PSD3: variants seen among roughly 807,000 people sequenced by gnomAD.
PSD3 encodes the protein pleckstrin and Sec7 domain containing 3, also known as PH and SEC7 domain-containing protein 3.
A neutral mutation model predicts 105.5 loss-of-function variants in PSD3; 49 were observed. The observed-to-expected ratio is 0.46, with a 90% CI of 0.37 to 0.59. PSD3 has a LOEUF of 0.59. Ranked by LOEUF, PSD3 falls within the 20% of genes least tolerant of loss-of-function variation. PSD3 has a pLI of 0.00. For synonymous variants in PSD3, 557 were observed against 457.8 expected (o/e 1.22, Z -2.77); for missense variants, 1,561 against 1,263.8 (o/e 1.24, Z -3.57).
intron 9 of PSD3, among the ~76,000 whole-genome samples, chr8:18,673,442 G>A (rs147364229): frequency 0.014 from 2,198 of 152,106 alleles, 16 homozygotes; most frequent in Admixed American, 0.022. Context: ...AGTTTTCTAC[G>A]AATCTATCTC....
intron 9 of PSD3, among the ~76,000 whole-genome samples, chr8:18,743,183 G>A (rs905479282): frequency 1.3e-5 from 2 of 152,076 alleles, no homozygotes; most frequent in Non-Finnish European, 2.9e-5. Flanking sequence ...ACTGGCCAAA[G>A]GTAGAATAAC....
At chr8:19,078,890 G>C (rs56232667) in intron 1 of PSD3, among the ~76,000 whole-genome samples, 3,540 of 151,482 alleles carry the variant, frequency 0.023, 146 homozygotes, top group African/African-American at 0.079. Context: ...CTGAAGAATG[G>C]GCAAGCAGAA....
At chr8:18,669,130 T>TTAG (rs1214499850) in intron 9 of PSD3, among the ~76,000 whole-genome samples, 2 of 152,236 alleles carry the variant, frequency 1.3e-5, no homozygotes, top group Non-Finnish European at 2.9e-5. Context: ...CCTCATTGTA[T>TTAG]TAGTCTATTG....
chr8:18,812,976 G>A (rs986129991), intron 4 of PSD3, among the ~76,000 whole-genome samples: 1 of 152,134 alleles, frequency 6.6e-6, no homozygotes, highest in African/African-American at 2.4e-5. Context: ...TTGTGGTGTG[G>A]AGGGAAAACT....
intron 4 of PSD3, among the ~76,000 whole-genome samples, chr8:18,820,658 T>TA (rs1554513033): frequency 1.3e-5 from 2 of 152,234 alleles, no homozygotes; most frequent in South Asian, 2.1e-4. Context: ...TCTTTTTTTT[T>TA]AAATCTATTT....
At chr8:18,537,139 G>T (rs1411477206) in intron 15 of PSD3, among the ~76,000 whole-genome samples, 1 of 152,174 alleles carries the variant, frequency 6.6e-6, no homozygotes, top group Admixed American at 6.5e-5. Flanking sequence ...GGTTGGCCAG[G>T]ATTCAAGTGG....
At chr8:18,971,368 T>A (rs550316714) in intron 1 of PSD3, among the ~76,000 whole-genome samples, 115 of 152,136 alleles carry the variant, frequency 7.6e-4, no homozygotes, top group Non-Finnish European at 2.6e-4. Flanking sequence ...CAGTGGACAG[T>A]CCCCTCCCAT....
intron 6 of PSD3, 45 bp from the exon 7 acceptor site, chr8:18,801,427 C>T (rs747982745): frequency 1.0e-5 from 11 of 1,062,148 alleles, no homozygotes; most frequent in South Asian, 4.0e-5. Context: ...TTCGAAAATG[C>T]TATCACACTC....
At chr8:18,683,040 C>T (rs1585608183) in intron 9 of PSD3, among the ~76,000 whole-genome samples, 1 of 152,292 alleles carries the variant, frequency 6.6e-6, no homozygotes, top group East Asian at 1.9e-4. Context: ...GAGTACCCTG[C>T]TCACACAGAT....
intron 9 of PSD3, among the ~76,000 whole-genome samples, chr8:18,729,229 C>A (rs1238088905): frequency 6.6e-6 from 1 of 152,212 alleles, no homozygotes. Context: ...ACACGTCCCC[C>A]ACAATCCACA....
intron 12 of PSD3, among the ~76,000 whole-genome samples, chr8:18,590,749 A>G (rs1195662681): frequency 9.2e-5 from 14 of 152,216 alleles, no homozygotes; most frequent in African/African-American, 3.4e-4. Context: ...CTATTTAACA[A>G]AAAATACTAC....
At position 18,528,143 on chromosome 8, in the gene PSD3, T is replaced by C. The variant is rs572516284; in HGVS notation, c.*7600A>G. 6.6e-6 allele frequency: 1 copy of C among 152,346 alleles called. No individual in the cohort carries two copies. Among genetic ancestry groups the C allele is most frequent in the South Asian group, 2.1e-4 (1 of 4,822 alleles). 9.4% of individuals were successfully genotyped at this position (152,346 alleles called of 1,614,324 possible). A position where few individuals can be genotyped will look rare whatever the true frequency, so the allele number is the denominator to read the frequency against. Reference sequence around the variant, plus strand: ...AATATAAATTCTCCGCTAGTGTACATTTAGAAATGGGTTCCTAAAGCTTGA... The same window carrying C: ...AATATAAATTCTCCGCTAGTGTACACTTAGAAATGGGTTCCTAAAGCTTGA... On this transcript the variant is annotated 3_prime_UTR_variant, in exon 16 of 16. Transcript: ENST00000327040.
chr8:18,752,482 TTATA>T (rs1411188789), intron 9 of PSD3, among the ~76,000 whole-genome samples: 3 of 38,628 alleles, frequency 7.8e-5, no homozygotes, highest in Non-Finnish European at 1.6e-4. Context: ...ATATATATTA[TTATA>T]TATATAATAT....
chr8:18,631,439 G>A (rs1221758227), intron 11 of PSD3, among the ~76,000 whole-genome samples: 1 of 151,792 alleles, frequency 6.6e-6, no homozygotes, highest in Non-Finnish European at 1.5e-5. Context: ...AATCCTCTTT[G>A]GTGTCAAAAT....
At chr8:18,565,393 A>G (rs1801674231) in intron 14 of PSD3, among the ~76,000 whole-genome samples, 1 of 152,188 alleles carries the variant, frequency 6.6e-6, no homozygotes, top group South Asian at 2.1e-4. Flanking sequence ...CAGCACTGTC[A>G]TGAAAAACAA....
At chr8:18,604,615 C>G (rs1276554423) in intron 11 of PSD3, among the ~76,000 whole-genome samples, 1 of 152,094 alleles carries the variant, frequency 6.6e-6, no homozygotes. Flanking sequence ...AAAAAGAAGC[C>G]AAGTGCTATT....
chr8:18,541,028 G>A (rs1436059035), intron 15 of PSD3, among the ~76,000 whole-genome samples: 2 of 151,638 alleles, frequency 1.3e-5, no homozygotes, highest in East Asian at 1.9e-4. Flanking sequence ...TCTTTCAGGT[G>A]TGCACTTTAA....
intron 4 of PSD3, among the ~76,000 whole-genome samples, chr8:18,818,902 G>T (rs1216480231): frequency 6.6e-6 from 1 of 151,970 alleles, no homozygotes; most frequent in Non-Finnish European, 1.5e-5. Context: ...TGGGTTGGGG[G>T]GAAAAGTCAT....
chr8:18,888,311 A>G (rs1818566289), intron 2 of PSD3, among the ~76,000 whole-genome samples: 1 of 152,206 alleles, frequency 6.6e-6, no homozygotes, highest in Admixed American at 6.5e-5. Context: ...CCAATGCCTT[A>G]AAACTTTCCA....
Sources: gnomAD v4.1 joint callset for allele counts (sites outside exome capture counted in the v4.1 genomes callset) on GRCh38, gnomAD v4.1.1 for gene constraint, MANE v1.5 for transcripts, NCBI Gene and HGNC (gene_info 2026-07-23, HGNC 2026-07-21) for gene names.